PLXNA2: variants seen among roughly 807,000 people sequenced by gnomAD.
The protein encoded by PLXNA2 is plexin-A2.
A neutral mutation model predicts 193.5 loss-of-function variants in PLXNA2; 91 were observed. That is an observed-to-expected ratio of 0.47 (90% CI 0.40 to 0.56). The LOEUF is 0.56. Ranked by LOEUF, PLXNA2 falls within the 20% of genes least tolerant of loss-of-function variation. The pLI is 0.00. For synonymous variants in PLXNA2, 997 were observed against 1,027.3 expected (o/e 0.97, Z 0.56); for missense variants, 1,995 against 2,503.2 (o/e 0.80, Z 4.33).
chr1:208,221,811 C>T (rs1002566647), intron 1 of PLXNA2, among the ~76,000 whole-genome samples: 5 of 152,032 alleles, frequency 3.3e-5, no homozygotes, highest in Non-Finnish European at 1.5e-5. Flanking sequence ...AGAGGCAGTG[C>T]GATATAACAA....
intron 4 of PLXNA2, among the ~76,000 whole-genome samples, chr1:208,129,741 T>A (rs1372895870): frequency 6.6e-6 from 1 of 152,206 alleles, no homozygotes; most frequent in East Asian, 1.9e-4. Flanking sequence ...CCCAGCACTC[T>A]GCATACTGTA....
chr1:208,229,741 G>C (rs530615024), intron 1 of PLXNA2, among the ~76,000 whole-genome samples: 2 of 152,358 alleles, frequency 1.3e-5, no homozygotes, highest in East Asian at 3.9e-4. Flanking sequence ...TTGCAAGACA[G>C]CTCCAGAGCC....
At position 208,217,623 on chromosome 1, in the gene PLXNA2, C is replaced by T. The variant is rs779981289; in HGVS notation, c.300G>A (p.Val100=). The T allele has an allele frequency of 1.2e-6, 2 of 1,614,182 alleles. No homozygotes were observed. The highest frequency in any genetic ancestry group is 1.7e-6 in the Non-Finnish European group (2 of 1,180,020). ...DNKSCYPPLI[V]QPCSEVLTLT... ...GGGTGAGCACTTCGCTGCAGGGCTGCACGATGAGGGGCGGGTAACAAGACT... is the reference window on the plus strand; with the variant it reads ...GGGTGAGCACTTCGCTGCAGGGCTGTACGATGAGGGGCGGGTAACAAGACT... The change falls in exon 2 of 32, where the codon GTG becomes GTA. Residue 100 remains valine (V), a synonymous_variant. Transcript: ENST00000367033. This position sits in a 1 kb window ranked among gnomAD's most constrained non-coding sequence, Gnocchi z 4.7.
Position 208,217,768 on chromosome 1 carries a change from T to C in PLXNA2, c.155A>G (p.His52Arg). 2 of 1,613,844 alleles carry C rather than the reference T, an allele frequency of 1.2e-6. No individual in the cohort carries two copies. Among genetic ancestry groups the C allele is most frequent in the Non-Finnish European group, 1.7e-6 (2 of 1,179,954 alleles). The change falls in exon 2 of 32, where the codon CAC becomes CGC. Residue 52 changes from histidine to arginine, a missense_variant. By Grantham distance (29) the His-to-Arg change is conservative. This residue lies in a region of PLXNA2 where 702 missense variants were observed against 812.9 expected (regional missense o/e 0.86). Transcript: ENST00000367033. This position sits in a 1 kb window ranked among gnomAD's most constrained non-coding sequence, Gnocchi z 4.7. ...CCCCGTCCCTTGGTGGACGGTCAAG[T>C]GGTTGAAGGTCCAGTCACGATTCTC... The part of the protein sequence containing the change: ...HSENRDWTFN[H>R]LTVHQGTGAV...
At chr1:208,041,865 C>G (rs573018088) in intron 22 of PLXNA2, among the ~76,000 whole-genome samples, 1 of 152,338 alleles carries the variant, frequency 6.6e-6, no homozygotes, top group Non-Finnish European at 1.5e-5. Context: ...GAGATCCGAG[C>G]AAGGGTCTGA....
At chr1:208,040,365 C>G (rs114920974) in intron 22 of PLXNA2, 3,893 of 384,238 alleles carry the variant, frequency 0.01, 21 homozygotes, top group Non-Finnish European at 0.013. Flanking sequence ...AGGCACCTCA[C>G]TATCCCACAG....
At chr1:208,030,768 C>T in intron 29 of PLXNA2, 1 of 985,302 alleles carries the variant, frequency 1.0e-6, no homozygotes, top group Non-Finnish European at 1.2e-6. Context: ...AATGCCTGGA[C>T]CTCCCCTCTC....
chr1:208,105,151 T>C (rs1271887913), intron 4 of PLXNA2, among the ~76,000 whole-genome samples: 1 of 152,194 alleles, frequency 6.6e-6, no homozygotes, highest in East Asian at 1.9e-4. Flanking sequence ...CCAGAGATCC[T>C]TCCTGGAGGG....
chr1:208,055,674 G>C lies in PLXNA2; in HGVS notation c.2739-1136C>G, dbSNP rs148285846. Among the ~76,000 whole-genome samples, 765 of 152,248 alleles carry C rather than the reference G, an allele frequency of 5.0e-3. 9 individuals are homozygous for C. The highest frequency in any genetic ancestry group is 0.016 in the African/African-American group (682 of 41,534). On this transcript the variant is annotated intron_variant, in intron 13 of 31. Transcript: ENST00000367033. Reference sequence around the variant, plus strand: ...TCCTGGCACGGTGGGGAAGATCCGTGTTTAACCGAGCGATGCTTATCTCAA... The same window carrying C: ...TCCTGGCACGGTGGGGAAGATCCGTCTTTAACCGAGCGATGCTTATCTCAA...
intron 3 of PLXNA2, among the ~76,000 whole-genome samples, chr1:208,156,395 C>T (rs751700227): frequency 4.2e-4 from 64 of 151,798 alleles, no homozygotes; most frequent in African/African-American, 1.2e-3. Context: ...GCACATGCTA[C>T]GAATTGGACA....
At chr1:208,101,000 C>T (rs1278339823) in intron 5 of PLXNA2, among the ~76,000 whole-genome samples, 1 of 152,220 alleles carries the variant, frequency 6.6e-6, no homozygotes, top group Non-Finnish European at 1.5e-5. Flanking sequence ...TCCCCCTCTT[C>T]CTTTTCAGGC....
chr1:208,152,518 G>A (rs915973078), intron 3 of PLXNA2, among the ~76,000 whole-genome samples: 6 of 152,058 alleles, frequency 3.9e-5, no homozygotes, highest in African/African-American at 1.5e-4. Flanking sequence ...GTTCGATCCT[G>A]CCTTTTCTGT....
chr1:208,204,275 G>A (rs1670645384), intron 3 of PLXNA2, among the ~76,000 whole-genome samples: 1 of 152,128 alleles, frequency 6.6e-6, no homozygotes, highest in East Asian at 1.9e-4. Context: ...GGTTCCCTGG[G>A]CATTCTTTCC....
intron 1 of PLXNA2, among the ~76,000 whole-genome samples, chr1:208,221,640 G>A (rs1286190856): frequency 1.3e-5 from 2 of 152,148 alleles, no homozygotes; most frequent in East Asian, 3.9e-4. Flanking sequence ...TGGCCTTCAT[G>A]AAGACAGCTG....
intron 3 of PLXNA2, among the ~76,000 whole-genome samples, chr1:208,177,062 TTGCCGACTCTCCCAGACCTA>T (rs1669682661): frequency 7.7e-6 from 1 of 130,492 alleles, no homozygotes; most frequent in Non-Finnish European, 1.9e-5. Flanking sequence ...TTTGATGGCT[TTGCCGACTCTCCCAGACCTA>T]TTCATTCTGC....
intron 4 of PLXNA2, among the ~76,000 whole-genome samples, chr1:208,120,617 T>A (rs1265243856): frequency 6.6e-6 from 1 of 152,124 alleles, no homozygotes; most frequent in Non-Finnish European, 1.5e-5. Flanking sequence ...AATGAGGACT[T>A]TTGTTTCAGC....
At chr1:208,055,312 G>C (rs1665394705) in intron 13 of PLXNA2, among the ~76,000 whole-genome samples, 1 of 152,184 alleles carries the variant, frequency 6.6e-6, no homozygotes, top group Non-Finnish European at 1.5e-5. Flanking sequence ...AATACCCCTA[G>C]TGATGACTTC....
chr1:208,193,666 CT>C (rs1486979040), intron 3 of PLXNA2, among the ~76,000 whole-genome samples: 1 of 152,130 alleles, frequency 6.6e-6, no homozygotes, highest in African/African-American at 2.4e-5. Context: ...GCTCTCAGGC[CT>C]TGGAACCAGG....
intron 4 of PLXNA2, among the ~76,000 whole-genome samples, chr1:208,136,958 T>C (rs1163092025): frequency 6.6e-6 from 1 of 152,208 alleles, no homozygotes; most frequent in Non-Finnish European, 1.5e-5. Context: ...CTCACAACAA[T>C]TGCATTAGGC....
Sources: gnomAD v4.1 joint callset for allele counts (sites outside exome capture counted in the v4.1 genomes callset) on GRCh38, gnomAD v4.1.1 for gene constraint, gnomAD v4.1.1 regional missense constraint, Gnocchi (gnomAD v3.1) non-coding constraint, MANE v1.5 for transcripts, NCBI Gene and HGNC (gene_info 2026-07-23, HGNC 2026-07-21) for gene names.